The following DCDC1 variants were observed in gnomAD, a reference collection of about 807,000 sequenced individuals.
DCDC1 encodes doublecortin domain containing 1.
In DCDC1, 200 loss-of-function variants were observed where a neutral mutation model predicts 178.3. That is an observed-to-expected ratio of 1.12 (90% CI 1.00 to 1.26). DCDC1 has a LOEUF of 1.26. DCDC1 is among the 50% of genes most tolerant of loss of function. DCDC1 has a pLI of 0.00. For missense variants in DCDC1, 1,983 were observed against 1,749.2 expected (o/e 1.13, Z -2.38); for synonymous variants, 690 against 604.8 (o/e 1.14, Z -2.07).
At chr11:31,059,443 G>A (rs933915352) in intron 20 of DCDC1, among the ~76,000 whole-genome samples, 4 of 151,894 alleles carry the variant, frequency 2.6e-5, no homozygotes, top group South Asian at 2.1e-4. Context: ...ATAATGCCAC[G>A]CTTCCAAATA....
intron 2 of DCDC1, among the ~76,000 whole-genome samples, chr11:31,329,446 G>A (rs778089300): frequency 5.3e-5 from 8 of 151,848 alleles, no homozygotes; most frequent in East Asian, 3.9e-4. Flanking sequence ...TGTGCATAAC[G>A]TGCAGGATTG....
rs75612327 is a variant in DCDC1, at chr11:31,029,021, T to C, written c.2591+35448A>G. Among the ~76,000 whole-genome samples the C allele has an allele frequency of 7.3e-3, 1,117 of 152,142 alleles. 21 individuals are homozygous for C. The highest frequency in any genetic ancestry group is 0.025 in the African/African-American group (1,053 of 41,550). On this transcript the variant is annotated intron_variant, in intron 20 of 38. Transcript: ENST00000684477. The stretch of plus-strand genomic sequence containing the variant: ...TAAAACAGATGCTAAGATTTTACGA[T>C]GACAATGTTGAACATGAAAGAAAAG...
chr11:31,265,181 A>G lies in DCDC1; in HGVS notation c.1054+326T>C, dbSNP rs142868796. ...ATCTATCTGATCATACAGTAATGCA[A>G]TTTCTCATTTTTGTTTTTGGAAAGC... On this transcript the variant is annotated intron_variant, in intron 8 of 38. Coordinates refer to ENST00000684477, the MANE Select transcript of DCDC1 (RefSeq NM_001387274.1). 8.5e-5 allele frequency among the ~76,000 whole-genome samples: 13 copies of G among 152,214 alleles called. No homozygotes were observed. In the East Asian group the frequency reaches 2.5e-3, roughly 29 times the overall value.
intron 7 of DCDC1, among the ~76,000 whole-genome samples, chr11:31,270,456 A>C (rs1276798260): frequency 6.6e-6 from 1 of 152,192 alleles, no homozygotes; most frequent in African/African-American, 2.4e-5. Flanking sequence ...CAACATTCAC[A>C]TGAAGCTCTA....
chr11:31,294,257 C>T (rs537120169), intron 6 of DCDC1, among the ~76,000 whole-genome samples: 3 of 151,812 alleles, frequency 2.0e-5, no homozygotes, highest in African/African-American at 7.2e-5. Context: ...CACAGAGACT[C>T]GAAATGAGGA....
At chr11:30,918,593 G>A (rs1235874599) in intron 25 of DCDC1, among the ~76,000 whole-genome samples, 1 of 152,154 alleles carries the variant, frequency 6.6e-6, no homozygotes, top group Non-Finnish European at 1.5e-5. Flanking sequence ...TTGAGACAAA[G>A]ACAATAGAAA....
At chr11:31,068,575 G>A (rs1956381841) in intron 18 of DCDC1, among the ~76,000 whole-genome samples, 1 of 151,974 alleles carries the variant, frequency 6.6e-6, no homozygotes, top group Non-Finnish European at 1.5e-5. Flanking sequence ...TGTGGGTGTG[G>A]GTATGTGTCT....
intron 9 of DCDC1, among the ~76,000 whole-genome samples, chr11:31,178,700 T>C (rs1968390668): frequency 6.6e-6 from 1 of 151,924 alleles, no homozygotes; most frequent in Non-Finnish European, 1.5e-5. Flanking sequence ...GCAATTTTTC[T>C]TTTTTTTCCT....
intron 17 of DCDC1, among the ~76,000 whole-genome samples, chr11:31,082,391 T>C (rs1027306950): frequency 1.3e-5 from 2 of 152,130 alleles, no homozygotes; most frequent in African/African-American, 2.4e-5. Flanking sequence ...CTTCAGATCC[T>C]TCCTTCTCTG....
At chr11:31,261,657 A>G (rs1018821959) in intron 8 of DCDC1, among the ~76,000 whole-genome samples, 6 of 152,140 alleles carry the variant, frequency 3.9e-5, no homozygotes, top group Non-Finnish European at 8.8e-5. Flanking sequence ...ATTTTATATA[A>G]GGGACCTGAG....
chr11:31,137,208 A>T (rs1438962866), intron 10 of DCDC1, among the ~76,000 whole-genome samples: 2 of 152,288 alleles, frequency 1.3e-5, no homozygotes, highest in East Asian at 3.9e-4. Context: ...GTATACAATT[A>T]CTTTTCATGC....
At chr11:31,167,610 A>G (rs771717244) in intron 9 of DCDC1, among the ~76,000 whole-genome samples, 5 of 152,122 alleles carry the variant, frequency 3.3e-5, no homozygotes, top group Non-Finnish European at 5.9e-5. Flanking sequence ...CTCATCTATA[A>G]TCTAATCCTT....
chr11:30,909,164 T>TA (rs1945275600), intron 28 of DCDC1, 48 bp from the exon 29 acceptor site: 1 of 1,498,796 alleles, frequency 6.7e-7, no homozygotes, highest in Non-Finnish European at 9.0e-7. Flanking sequence ...ATGTGAGGGT[T>TA]ATAGTGTCTT....
In DCDC1 at chr11:30,906,630, C is replaced by G; in HGVS notation, c.4014G>C (p.Leu1338Phe). 6.2e-7 allele frequency: 1 copy of G among 1,613,586 alleles called. No homozygotes were observed. The highest frequency in any genetic ancestry group is 8.5e-7 in the Non-Finnish European group (1 of 1,179,738). ...TACAGAGGAATGGAACCCCTGGAAGCAATTGTTTCAGTCCTTTCTCTGTTC... is the reference window on the plus strand; with the variant it reads ...TACAGAGGAATGGAACCCCTGGAAGGAATTGTTTCAGTCCTTTCTCTGTTC... ...SMRTEKGLKQ[L>F]LPGVPFLCIS... The change falls in exon 30 of 39, where the codon TTG becomes TTC. Residue 1338 changes from leucine (L) to phenylalanine (F), a missense_variant. Physicochemically the swap from Leu to Phe is conservative, Grantham distance 22. Coordinates refer to ENST00000684477, the MANE Select transcript of DCDC1 (RefSeq NM_001387274.1).
At chr11:31,039,336 T>C (rs1954284939) in intron 20 of DCDC1, among the ~76,000 whole-genome samples, 2 of 152,290 alleles carry the variant, frequency 1.3e-5, no homozygotes, top group African/African-American at 4.8e-5. Context: ...CAATAGGCAA[T>C]GTTACCAAAA....
In DCDC1 at chr11:30,925,282, T is replaced by C. The variant is rs777141325; in HGVS notation, c.2997+27A>G. 13 of 1,579,250 alleles carry C rather than the reference T, an allele frequency of 8.2e-6. No homozygotes were observed. In the South Asian group the frequency reaches 1.3e-4, roughly 16 times the overall value. Reference sequence around the variant, plus strand: ...TGGATGGGGTATTAATAAATTAATATTGCCAGTTTCAAATCCATGTCTTTA... The same window carrying C: ...TGGATGGGGTATTAATAAATTAATACTGCCAGTTTCAAATCCATGTCTTTA... On this transcript the variant is annotated intron_variant, in intron 23 of 38. Coordinates refer to ENST00000684477, the MANE Select transcript of DCDC1 (RefSeq NM_001387274.1).
intron 11 of DCDC1, among the ~76,000 whole-genome samples, chr11:31,116,276 A>G (rs1959946831): frequency 6.6e-6 from 1 of 152,156 alleles, no homozygotes; most frequent in East Asian, 1.9e-4. Flanking sequence ...TAATATATGA[A>G]AATTGAAATG....
chr11:31,179,082 C>T (rs1265178751), intron 9 of DCDC1, among the ~76,000 whole-genome samples: 10 of 152,108 alleles, frequency 6.6e-5, no homozygotes, highest in Admixed American at 5.9e-4. Flanking sequence ...AAAAAATGCT[C>T]AACACCACTA....
intron 20 of DCDC1, among the ~76,000 whole-genome samples, chr11:31,042,191 C>A (rs1954506000): frequency 6.6e-6 from 1 of 152,154 alleles, no homozygotes. Context: ...GGATTCTTGG[C>A]TAACTATCTG....
Sources: gnomAD v4.1 joint callset for allele counts (sites outside exome capture counted in the v4.1 genomes callset) on GRCh38, gnomAD v4.1.1 for gene constraint, MANE v1.5 for transcripts, NCBI Gene and HGNC (gene_info 2026-07-23, HGNC 2026-07-21) for gene names.